The following SECISBP2L variants were observed in gnomAD, a reference collection of about 807,000 sequenced individuals.
SECISBP2L encodes the protein SECIS binding protein 2 like.
Under a neutral mutation model 114.7 loss-of-function variants are expected in SECISBP2L, and 43 were observed. That is an observed-to-expected ratio of 0.38 (90% CI 0.29 to 0.48). The LOEUF is 0.48. Ranked by LOEUF, SECISBP2L falls within the 20% of genes least tolerant of loss-of-function variation. The probability of loss-of-function intolerance (pLI) is 0.98; values close to 1 mark genes in which losing one functional copy is unlikely to be tolerated. For missense variants in SECISBP2L, 1,136 were observed against 1,301.1 expected (o/e 0.87, Z 1.95); for synonymous variants, 451 against 439.7 (o/e 1.03, Z -0.32).
intron 15 of SECISBP2L, among the ~76,000 whole-genome samples, chr15:49,000,309 T>C (rs1456706449): frequency 1.3e-5 from 2 of 152,222 alleles, no homozygotes; most frequent in African/African-American, 4.8e-5. Flanking sequence ...AGTGGCTGAC[T>C]TGCAAATGTT....
chr15:49,045,496 G>T (rs548900470), intron 1 of SECISBP2L, among the ~76,000 whole-genome samples: 8 of 151,702 alleles, frequency 5.3e-5, no homozygotes, highest in Non-Finnish European at 1.2e-4. Context: ...GGAAAATACT[G>T]GGGGGGAAAC....
chr15:48,990,939 A>T lies in SECISBP2L; in HGVS notation c.*1305T>A, dbSNP rs1488231529. On this transcript the variant is annotated 3_prime_UTR_variant, in exon 18 of 18. Transcript: ENST00000559471. ...TTGTCATTCTTCCACCATTACATAA[A>T]CTTGTAAAGTCACTGAAGTCCAGGT... The T allele has an allele frequency of 6.6e-6, 1 of 152,144 alleles. No homozygotes were observed. The allele number at this position is 152,144 out of a possible 1,614,324, so 9.4% of individuals were successfully genotyped here.
chr15:49,027,004 G>A (rs1030455738), intron 7 of SECISBP2L, among the ~76,000 whole-genome samples: 3 of 152,304 alleles, frequency 2.0e-5, no homozygotes, highest in Admixed American at 1.3e-4. Context: ...GTAAAGACAC[G>A]TGGACAAGGC....
rs745773087 is a variant in SECISBP2L, at chr15:48,996,466, G to T, written c.2524C>A (p.His842Asn). Residue 842 changes from histidine (H) to asparagine (N), a missense_variant, in exon 17 of 18, where the codon CAC becomes AAC. His to Asn is a moderately conservative substitution (Grantham distance 68). This residue lies in a region of SECISBP2L where 684 missense variants were observed against 848.7 expected (regional missense o/e 0.81). Transcript: ENST00000559471. The stretch of plus-strand genomic sequence containing the variant: ...GGATTCCGAGAATGTCCCATGTGGT[G>T]TGGTACCTTCTTCACATTCTTTAAG... ...EALKNVKKVP[H>N]HMGHSRNPSA... 3 of 1,614,108 alleles carry T rather than the reference G, an allele frequency of 1.9e-6. No homozygotes were observed. The Admixed American group carries it at 5.0e-5, about 27-fold the overall frequency.
intron 1 of SECISBP2L, among the ~76,000 whole-genome samples, chr15:49,043,800 T>C (rs1202648797): frequency 1.3e-5 from 2 of 152,084 alleles, no homozygotes; most frequent in African/African-American, 2.4e-5. Flanking sequence ...ATAATCATTA[T>C]TGCAATTAAG....
At chr15:49,031,389 T>G (rs530171037) in intron 4 of SECISBP2L, among the ~76,000 whole-genome samples, 2 of 152,304 alleles carry the variant, frequency 1.3e-5, no homozygotes, top group East Asian at 3.9e-4. Context: ...ATATGTCTTC[T>G]CTAAGATTTC....
At chr15:49,030,584 G>T (rs559804899) in intron 4 of SECISBP2L, among the ~76,000 whole-genome samples, 1 of 152,124 alleles carries the variant, frequency 6.6e-6, no homozygotes, top group South Asian at 2.1e-4. Context: ...TCCAAGTTGG[G>T]GATTATTCTT....
At chr15:49,038,250 C>T (rs1296921726) in intron 1 of SECISBP2L, among the ~76,000 whole-genome samples, 2 of 151,908 alleles carry the variant, frequency 1.3e-5, no homozygotes, top group Non-Finnish European at 2.9e-5. Context: ...GAAAAAATGT[C>T]TAAGATGAAA....
Position 49,016,898 on chromosome 15 carries a change from C to A in SECISBP2L, c.1369G>T (p.Ala457Ser). The A allele has an allele frequency of 6.2e-7, 1 of 1,613,952 alleles. No individual in the cohort carries two copies. Among genetic ancestry groups the A allele is most frequent in the Non-Finnish European group, 8.5e-7 (1 of 1,179,970 alleles). The change falls in exon 10 of 18, where the codon GCC (alanine) becomes TCC (serine). Residue 457 changes from alanine (A) to serine (S), a missense_variant. Transcript: ENST00000559471. Reference protein sequence around the residue: ...QKKKALAAALATAQEYSEISM... With the variant: ...QKKKALAAALSTAQEYSEISM... Reference sequence around the variant, plus strand: ...ATTTCTGAATACTCTTGAGCTGTGGCAAGGGCTGCTGCTAAAGCTTTCTTC... The same window carrying A: ...ATTTCTGAATACTCTTGAGCTGTGGAAAGGGCTGCTGCTAAAGCTTTCTTC...
At chr15:49,010,478 A>G (rs1032718198) in intron 13 of SECISBP2L, among the ~76,000 whole-genome samples, 2 of 152,174 alleles carry the variant, frequency 1.3e-5, no homozygotes, top group Admixed American at 6.5e-5. Context: ...TCCATTAATT[A>G]GCAAAGCTAC....
intron 6 of SECISBP2L, 80 bp downstream of exon 6, chr15:49,028,064 C>G: frequency 7.8e-7 from 1 of 1,284,956 alleles, no homozygotes; most frequent in Non-Finnish European, 1.1e-6. Context: ...GCAGTATCAG[C>G]AAGCCTCATG....
chr15:49,035,139 T>A lies in SECISBP2L; in HGVS notation c.528+195A>T, dbSNP rs138055030. Among the ~76,000 whole-genome samples, 465 of 152,282 alleles carry A rather than the reference T, an allele frequency of 3.1e-3. 2 individuals carry two copies. The Middle Eastern group carries it at 0.037, about 12-fold the overall frequency. Reference sequence around the variant, plus strand: ...AATGTGAAAATGATTATAAATCATATCACAATTAAGAATGAGGAACAAACA... The same window carrying A: ...AATGTGAAAATGATTATAAATCATAACACAATTAAGAATGAGGAACAAACA... On this transcript the variant is annotated intron_variant, in intron 3 of 17. Coordinates refer to ENST00000559471, the MANE Select transcript of SECISBP2L (RefSeq NM_001193489.2).
rs1347273492 is a variant in SECISBP2L, at chr15:48,989,451, A to C, written c.*2793T>G. 6.6e-6 allele frequency: 1 copy of C among 152,620 alleles called. No individual in the cohort carries two copies. The highest frequency in any genetic ancestry group is 1.5e-5 in the Non-Finnish European group (1 of 68,020). The allele number at this position is 152,620 out of a possible 1,614,324, so 9.5% of individuals were successfully genotyped here. ...CAACCTCCAGTCAAAGCCAGTAAAAACTTCTCAATGTATAACACACATTAC... is the reference window on the plus strand; with the variant it reads ...CAACCTCCAGTCAAAGCCAGTAAAACCTTCTCAATGTATAACACACATTAC... On this transcript the variant is annotated 3_prime_UTR_variant, in exon 18 of 18. Coordinates refer to ENST00000559471, the MANE Select transcript of SECISBP2L (RefSeq NM_001193489.2).
At chr15:49,007,875 C>G (rs1399761897) in intron 14 of SECISBP2L, among the ~76,000 whole-genome samples, 1 of 152,068 alleles carries the variant, frequency 6.6e-6, no homozygotes, top group Non-Finnish European at 1.5e-5. Flanking sequence ...GGAGGATGAA[C>G]TCAATAATTA....
At chr15:49,034,072 A>T (rs148028801) in intron 3 of SECISBP2L, among the ~76,000 whole-genome samples, 14 of 152,232 alleles carry the variant, frequency 9.2e-5, no homozygotes, top group African/African-American at 3.1e-4. Flanking sequence ...TCCCGAAAAG[A>T]TATTTCTTGA....
chr15:49,009,679 G>C (rs1336628896), intron 13 of SECISBP2L, among the ~76,000 whole-genome samples: 1 of 151,644 alleles, frequency 6.6e-6, no homozygotes, highest in African/African-American at 2.4e-5. Flanking sequence ...TTTGAGGTCA[G>C]CCTGAGAAAC....
At chr15:48,999,550 A>C (rs1039108081) in intron 16 of SECISBP2L, among the ~76,000 whole-genome samples, 1 of 152,216 alleles carries the variant, frequency 6.6e-6, no homozygotes, top group Admixed American at 6.5e-5. Context: ...ACCAGCAGTA[A>C]AATAAATTAC....
intron 1 of SECISBP2L, among the ~76,000 whole-genome samples, chr15:49,038,588 C>T (rs1266567177): frequency 1.3e-5 from 2 of 152,068 alleles, no homozygotes; most frequent in African/African-American, 2.4e-5. Context: ...GGGTGCCTGG[C>T]AAAGTTCTAT....
intron 4 of SECISBP2L, among the ~76,000 whole-genome samples, 179 bp from the exon 5 acceptor site, chr15:49,028,861 G>GT (rs1231820469): frequency 6.6e-6 from 1 of 152,132 alleles, no homozygotes; most frequent in African/African-American, 2.4e-5. Context: ...GGTTCATAAT[G>GT]TTTTTTGTTT....
Sources: allele counts gnomAD v4.1 joint callset (sites outside exome capture counted in the v4.1 genomes callset), GRCh38; gene constraint gnomAD v4.1.1; regional missense constraint gnomAD v4.1.1; transcripts MANE v1.5; gene names NCBI Gene and HGNC (gene_info 2026-07-23, HGNC 2026-07-21).